Variants in FAM120C observed in about 807,000 individuals in gnomAD.
FAM120C encodes the protein constitutive coactivator of PPAR-gamma-like protein 2.
FAM120C carries 14 observed loss-of-function variants against 71.2 expected under a neutral mutation model. That is an observed-to-expected ratio of 0.20 (90% confidence interval 0.13 to 0.31). The LOEUF is 0.31. FAM120C is among the 10% of genes least tolerant of loss of function. The pLI, the probability that FAM120C is intolerant of heterozygous loss-of-function variation, is 1.00. For missense variants in FAM120C, 500 were observed against 879.0 expected, an observed-to-expected ratio of 0.57 and a Z score of 5.45; for synonymous variants, 354 against 353.2, an observed-to-expected ratio of 1.00 and a Z score of -0.03.
chrX:54,108,025 G>C (rs2066915879), intron 10 of FAM120C, among the ~76,000 whole-genome samples: 1 of 103,986 alleles, frequency 9.6e-6, no homozygotes, highest in Non-Finnish European at 1.9e-5. Context: ...TATCCAAGCT[G>C]AAAAATGCCA....
At chrX:54,182,454 G>A (rs1557137500) in intron 1 of FAM120C, 46 bp downstream of exon 1, 2 of 1,146,665 alleles carry the variant, frequency 1.7e-6, no homozygotes, top group Non-Finnish European at 2.3e-6. Context: ...TAGTTGGGAG[G>A]GAATAGGTGT....
rs1454541006 is a variant in FAM120C, at chrX:54,069,850, AGGAGTT to A, written c.*3177_*3182del. The A allele has an allele frequency of 8.9e-6, 1 of 111,897 alleles. No homozygotes were observed. The highest frequency in any genetic ancestry group is 1.9e-5 in the Non-Finnish European group (1 of 53,159). The allele number at this position is 111,897 out of a possible 1,213,427, so 9.2% of individuals were successfully genotyped here. A position where few individuals can be genotyped will look rare whatever the true frequency, so the allele number is the denominator to read the frequency against. The stretch of plus-strand genomic sequence containing the variant: ...GACTGGTCACTGACTAAGTAAGAGT[AGGAGTT>A]ATAAGCTGATCCCAAGACACACCAG... On this transcript the variant is annotated 3_prime_UTR_variant, in exon 16 of 16. Transcript: ENST00000375180.
rs200075406 is a variant in FAM120C at position 54,081,370 on chromosome X, C to T, written c.2930G>A (p.Arg977Gln). The change falls in exon 14 of 16, where the codon CGA (arginine) becomes CAA (glutamine). Residue 977 changes from arginine (R) to glutamine (Q), a missense_variant. By Grantham distance (43) the Arg-to-Gln change is conservative. Around this residue, in one of 11 missense-constraint regions of FAM120C, gnomAD observed 85 missense variants for 96.1 expected, o/e 0.88. Transcript: ENST00000375180. ...AACCACTTGCATGCCGAAGGATCCTCGGCCCCTGGAGGATCTGCTGCCAGC... is the reference window on the plus strand; with the variant it reads ...AACCACTTGCATGCCGAAGGATCCTTGGCCCCTGGAGGATCTGCTGCCAGC... ...QWAGSRSSRG[R>Q]GSFGMQVVSV... is the part of the protein sequence containing the mutation. The T allele has an allele frequency of 1.5e-4, 178 of 1,206,735 alleles. No individual in the cohort carries two copies. The highest frequency in any genetic ancestry group is 4.6e-4 in the Admixed American group (21 of 45,246).
At chrX:54,104,463 C>T (rs895450061) in intron 10 of FAM120C, among the ~76,000 whole-genome samples, 2 of 111,883 alleles carry the variant, frequency 1.8e-5, no homozygotes, top group Admixed American at 1.9e-4. Context: ...TCCAACCAGA[C>T]TTTATGCTAA....
At chrX:54,149,884 A>G (rs1557132806) in intron 4 of FAM120C, among the ~76,000 whole-genome samples, 1 of 112,385 alleles carries the variant, frequency 8.9e-6, no homozygotes. Context: ...AATTTTAAAA[A>G]TAAGTGAGAA....
intron 1 of FAM120C, among the ~76,000 whole-genome samples, chrX:54,178,760 T>C (rs782817200): frequency 1.8e-5 from 2 of 112,103 alleles, no homozygotes; most frequent in African/African-American, 3.2e-5. Context: ...TAGCAGCCAT[T>C]GCTTTATCGT....
At chrX:54,173,784 C>T (rs1046664010) in intron 1 of FAM120C, 1 of 200,663 alleles carries the variant, frequency 5.0e-6, no homozygotes, top group Non-Finnish European at 9.1e-6. Flanking sequence ...ACAAGCACAA[C>T]AATCAATGGT....
chrX:54,070,233 A>T lies in FAM120C; in HGVS notation c.*2800T>A, dbSNP rs2066703965. 8.9e-6 allele frequency: 1 copy of T among 111,847 alleles called. No individual in the cohort carries two copies. Among genetic ancestry groups the T allele is most frequent in the Non-Finnish European group, 1.9e-5 (1 of 53,194 alleles). 9.2% of individuals were successfully genotyped at this position (111,847 alleles called of 1,213,427 possible). A position where few individuals can be genotyped will look rare whatever the true frequency, so the allele number is the denominator to read the frequency against. On this transcript the variant is annotated 3_prime_UTR_variant, in exon 16 of 16. Transcript: ENST00000375180. The stretch of plus-strand genomic sequence containing the variant: ...CCTTCTTGTAACCTTCCAAACCCAA[A>T]ATGCTGAATCCAAATAAAAATCAAG...
At chrX:54,164,056 C>G (rs1423426410) in intron 1 of FAM120C, among the ~76,000 whole-genome samples, 1 of 109,979 alleles carries the variant, frequency 9.1e-6, no homozygotes, top group African/African-American at 3.3e-5. Flanking sequence ...CCTTAGCCCC[C>G]CTAGTAGCTG....
chrX:54,182,235 G>C (rs1189146562), intron 1 of FAM120C, among the ~76,000 whole-genome samples: 3 of 111,414 alleles, frequency 2.7e-5, no homozygotes, highest in Non-Finnish European at 5.7e-5. Flanking sequence ...AGGCCAATTG[G>C]ATAAGGGAAG....
chrX:54,140,354 C>T (rs1164814123), intron 4 of FAM120C, among the ~76,000 whole-genome samples: 2 of 108,350 alleles, frequency 1.8e-5, no homozygotes, highest in East Asian at 5.8e-4. Context: ...CGCGGTGGCT[C>T]ACACCTGTAA....
intron 10 of FAM120C, among the ~76,000 whole-genome samples, chrX:54,112,837 T>A: frequency 1.4e-4 from 1 of 7,276 alleles, no homozygotes; most frequent in Non-Finnish European, 3.8e-4. Context: ...TGAGACTCTG[T>A]CTCAAAAAAA....
At chrX:54,077,289 G>T (rs782253800) in intron 15 of FAM120C, among the ~76,000 whole-genome samples, 4 of 111,522 alleles carry the variant, frequency 3.6e-5, no homozygotes, top group African/African-American at 1.3e-4. Context: ...CATAGCACGG[G>T]GCTTTGCAAT....
chrX:54,097,887 C>T (rs1298199027), intron 10 of FAM120C, among the ~76,000 whole-genome samples: 22 of 109,690 alleles, frequency 2.0e-4, no homozygotes, highest in Admixed American at 1.7e-3. Flanking sequence ...CTACCACGCC[C>T]GGCTAATTTT....
intron 4 of FAM120C, among the ~76,000 whole-genome samples, chrX:54,138,678 AG>A (rs781956303): frequency 2.5e-4 from 27 of 109,998 alleles, no homozygotes; most frequent in Admixed American, 5.9e-4. Context: ...TACAAAAATT[AG>A]CTGGGCATGG....
At chrX:54,142,922 C>G (rs2067133713) in intron 4 of FAM120C, among the ~76,000 whole-genome samples, 1 of 111,777 alleles carries the variant, frequency 8.9e-6, no homozygotes, top group Non-Finnish European at 1.9e-5. Context: ...GCAACATTTG[C>G]CATTCTGCAA....
chrX:54,089,704 G>T (rs2066813525), intron 11 of FAM120C, among the ~76,000 whole-genome samples: 1 of 111,189 alleles, frequency 9.0e-6, no homozygotes, highest in Non-Finnish European at 1.9e-5. Context: ...GCTCATGCCT[G>T]TAATCCCAGC....
intron 10 of FAM120C, among the ~76,000 whole-genome samples, chrX:54,107,343 C>T (rs909346143): frequency 4.6e-5 from 5 of 108,929 alleles, no homozygotes; most frequent in Non-Finnish European, 7.6e-5. Context: ...GTGATCCACC[C>T]GCCTCAGCCT....
chrX:54,091,490 T>C (rs1431550334), intron 10 of FAM120C, 64 bp from the exon 11 acceptor site: 11 of 845,199 alleles, frequency 1.3e-5, no homozygotes, highest in African/African-American at 4.0e-5. Context: ...CAAAAACTTA[T>C]TAAGCTAAGA....
Sources: allele counts gnomAD v4.1 joint callset (sites outside exome capture counted in the v4.1 genomes callset), GRCh38; gene constraint gnomAD v4.1.1; regional missense constraint gnomAD v4.1.1; transcripts MANE v1.5; gene names NCBI Gene and HGNC (gene_info 2026-07-23, HGNC 2026-07-21).